The following COL11A1 variants were observed in gnomAD, a reference collection of about 807,000 sequenced individuals.
COL11A1 encodes the protein collagen type XI alpha 1 chain, also known as collagen alpha-1(XI) chain.
In COL11A1, 74 loss-of-function variants were observed where a neutral mutation model predicts 265.2. The ratio of observed to expected loss-of-function variants is 0.28; its 90% CI spans 0.23 to 0.34. COL11A1 has a LOEUF of 0.34. Among genes scored for constraint, COL11A1 ranks in the 10% least tolerant of loss-of-function variants. COL11A1 has a pLI of 1.00. For synonymous variants in COL11A1, 816 were observed against 727.6 expected (o/e 1.12, Z -1.96); for missense variants, 2,165 against 2,263.6 (o/e 0.96, Z 0.88).
At position 102,909,188 on chromosome 1, in the gene COL11A1, C is replaced by T. The variant is rs1654356779; in HGVS notation, c.4086+2971G>A. Among the ~76,000 whole-genome samples the T allele has an allele frequency of 3.3e-5, 5 of 152,172 alleles. No homozygotes were observed. The South Asian group carries it at 1.0e-3, about 32-fold the overall frequency. Reference sequence around the variant, plus strand: ...CAGGATGGGTGTGAGTGGCTTCTCACTCTGTTAGTTCCTGAGAGAGCTGGT... The same window carrying T: ...CAGGATGGGTGTGAGTGGCTTCTCATTCTGTTAGTTCCTGAGAGAGCTGGT... On this transcript the variant is annotated intron_variant, in intron 54 of 66. Transcript: ENST00000370096.
intron 30 of COL11A1, among the ~76,000 whole-genome samples, chr1:102,985,397 T>C (rs1026800303): frequency 6.6e-6 from 1 of 152,112 alleles, no homozygotes; most frequent in Non-Finnish European, 1.5e-5. Flanking sequence ...CATAGATAAG[T>C]AGTCTTCAGA....
intron 42 of COL11A1, among the ~76,000 whole-genome samples, chr1:102,945,247 A>ACT (rs3056651): frequency 0.34 from 43,657 of 128,294 alleles, 8,253 homozygotes; most frequent in East Asian, 0.55. Context: ...TTTTCTTTTT[A>ACT]CTCTCTCTCT....
At chr1:102,895,439 A>C (rs1003477274) in intron 57 of COL11A1, among the ~76,000 whole-genome samples, 2 of 152,174 alleles carry the variant, frequency 1.3e-5, no homozygotes, top group Admixed American at 1.3e-4. Flanking sequence ...AGTAGAAACA[A>C]TACAGTAGGT....
At position 102,998,348 on chromosome 1, in the gene COL11A1, GT is replaced by G; in HGVS notation, c.2157del (p.Lys719AsnfsTer46). The G allele has an allele frequency of 6.2e-7, 1 of 1,603,548 alleles. No homozygotes were observed. Among genetic ancestry groups the G allele is most frequent in the South Asian group, 1.1e-5 (1 of 89,634 alleles). ...GPPGEKGPQG[K>X]PGLAGLPGAD... ...GCACCAGGAAGTCCAGCAAGTCCTG[GT>G]TTTCCTTGTGGTCCCTTATAGAGAA... On this transcript the variant is annotated frameshift_variant, in exon 25 of 67. Transcript: ENST00000370096. LOFTEE classifies it high-confidence loss of function.
chr1:102,915,266 C>T (rs979594404), intron 50 of COL11A1, among the ~76,000 whole-genome samples: 1 of 152,046 alleles, frequency 6.6e-6, no homozygotes, highest in African/African-American at 2.4e-5. Flanking sequence ...CAAATTTAAT[C>T]GCGTTTTAAA....
Position 103,078,709 on chromosome 1 carries a change from G to T in COL11A1, c.437C>A (p.Pro146His). The change falls in exon 3 of 67, where the codon CCT (proline) becomes CAT (histidine). Residue 146 changes from proline (P) to histidine (H), a missense_variant. Pro to His is a moderately conservative substitution (Grantham distance 77). Transcript: ENST00000370096. ...VFLFEDHTGK[P>H]APEDYPLFRT... ...GAAGAGGGGATAGTCTTCTGGGGCA[G>T]GTTTTCCAGTGTGGTCTTCAAACAG... The T allele has an allele frequency of 6.2e-7, 1 of 1,613,410 alleles. No homozygotes were observed. The highest frequency in any genetic ancestry group is 8.5e-7 in the Non-Finnish European group (1 of 1,179,616).
chr1:103,042,997 A>T (rs1668937731), intron 4 of COL11A1, among the ~76,000 whole-genome samples: 1 of 144,508 alleles, frequency 6.9e-6, no homozygotes, highest in Non-Finnish European at 1.5e-5. Flanking sequence ...GATATATATT[A>T]AATACATCAT....
Position 103,018,862 on chromosome 1 carries a change from A to G in COL11A1, c.1309-3T>C, listed in dbSNP as rs991268638. The G allele has an allele frequency of 4.3e-6, 7 of 1,611,756 alleles. No homozygotes were observed. Among genetic ancestry groups the G allele is most frequent in the Middle Eastern group, 1.6e-4 (1 of 6,072 alleles). ...GGTGGTCCTTCGACAAGCATACCCT[A>G]TAACAGGAAAAGAGAACATCTCTAC... On this transcript the variant is annotated splice_region_variant and splice_polypyrimidine_tract_variant and intron_variant, in intron 9 of 66. Transcript: ENST00000370096.
intron 42 of COL11A1, among the ~76,000 whole-genome samples, chr1:102,942,932 C>T (rs1263640198): frequency 6.6e-6 from 1 of 152,032 alleles, no homozygotes; most frequent in African/African-American, 2.4e-5. Context: ...TGGCCATCTT[C>T]TTTTCAGAGT....
At position 102,888,435 on chromosome 1, in the gene COL11A1, T is replaced by A. The variant is rs2783570; in HGVS notation, c.4608+142A>T. The A allele has an allele frequency of 0.086, 63,004 of 730,852 alleles. 3,171 individuals carry two copies. The highest frequency in any genetic ancestry group is 0.16 in the Middle Eastern group (563 of 3,498). 45.3% of individuals were successfully genotyped at this position (730,852 alleles called of 1,614,324 possible). On this transcript the variant is annotated intron_variant, in intron 62 of 66. Transcript: ENST00000370096. ...TTTAAGTCTTGGCATGTAGATTTGATTACTTAAATGATATAATGTTTCCTA... is the reference window on the plus strand; with the variant it reads ...TTTAAGTCTTGGCATGTAGATTTGAATACTTAAATGATATAATGTTTCCTA...
chr1:102,895,615 C>G (rs868108884), intron 57 of COL11A1, among the ~76,000 whole-genome samples: 1 of 151,974 alleles, frequency 6.6e-6, no homozygotes, highest in East Asian at 1.9e-4. Flanking sequence ...AGCTTTCACA[C>G]AGATTAATTT....
intron 57 of COL11A1, among the ~76,000 whole-genome samples, chr1:102,891,351 C>T (rs1191180826): frequency 6.6e-6 from 1 of 151,842 alleles, no homozygotes; most frequent in East Asian, 1.9e-4. Flanking sequence ...TAAATTGCAC[C>T]TCATATCTAA....
rs530391175 is a variant in COL11A1, at chr1:102,933,165, G to A, written c.3600+1284C>T. Among the ~76,000 whole-genome samples the A allele has an allele frequency of 4.7e-5, 7 of 149,376 alleles. No homozygotes were observed. The East Asian group carries it at 5.9e-4, about 13-fold the overall frequency. On this transcript the variant is annotated intron_variant, in intron 46 of 66. Coordinates refer to ENST00000370096, the MANE Select transcript of COL11A1 (RefSeq NM_001854.4). ...TGCGTTCCTTTGGAGGAGGAGAGGT[G>A]CTCTGCTTTTTAGAGTTTCCAGTTT...
intron 28 of COL11A1, among the ~76,000 whole-genome samples, chr1:102,994,860 A>G (rs1271367116): frequency 1.3e-5 from 2 of 152,008 alleles, no homozygotes; most frequent in African/African-American, 4.8e-5. Flanking sequence ...ACAGTTCTGC[A>G]TGGCTGGGGA....
In COL11A1 at chr1:103,108,105, G is replaced by A. The variant is rs1674856297; in HGVS notation, c.74C>T (p.Thr25Ile). The A allele has an allele frequency of 1.9e-6, 3 of 1,613,692 alleles. No homozygotes were observed. The highest frequency in any genetic ancestry group is 1.3e-5 in the African/African-American group (1 of 74,828). The change falls in exon 1 of 67, where the codon ACC becomes ATC. Residue 25 changes from threonine to isoleucine, a missense_variant. Transcript: ENST00000370096. ...GACCTCTCTAGCTTGGAAGAGGAAGGTCAATGCGAGGGTTGTTACGGTGAA... is the reference window on the plus strand; with the variant it reads ...GACCTCTCTAGCTTGGAAGAGGAAGATCAATGCGAGGGTTGTTACGGTGAA... ...WDFTVTTLAL[T>I]FLFQAREVRG... is the part of the protein sequence containing the mutation.
intron 48 of COL11A1, among the ~76,000 whole-genome samples, chr1:102,920,606 ACT>A (rs1330956877): frequency 6.6e-6 from 1 of 152,146 alleles, no homozygotes; most frequent in Non-Finnish European, 1.5e-5. Flanking sequence ...AGACTTTCAA[ACT>A]CTGGTTGATT....
intron 46 of COL11A1, among the ~76,000 whole-genome samples, chr1:102,925,694 G>T (rs1247782791): frequency 3.3e-5 from 5 of 151,954 alleles, no homozygotes; most frequent in African/African-American, 1.2e-4. Flanking sequence ...AAAATTTTAG[G>T]TTCTAAATCA....
intron 65 of COL11A1, 59 bp from the exon 66 acceptor site, chr1:102,879,975 G>T: frequency 8.8e-7 from 1 of 1,140,062 alleles, no homozygotes; most frequent in South Asian, 1.3e-5. Flanking sequence ...ATGCTACAAA[G>T]AATTAAATCA....
rs534466303 is a variant in COL11A1, at chr1:102,933,467, G to A, written c.3600+982C>T. On this transcript the variant is annotated intron_variant, in intron 46 of 66. Transcript: ENST00000370096. Reference sequence around the variant, plus strand: ...TGCCTGTTCTCAGATCTCCAGCTGCGTGCTGGGAGAACCACTGCTCTCTTA... The same window carrying A: ...TGCCTGTTCTCAGATCTCCAGCTGCATGCTGGGAGAACCACTGCTCTCTTA... Among the ~76,000 whole-genome samples the A allele has an allele frequency of 8.2e-3, 1,251 of 151,640 alleles. 21 individuals are homozygous for A. The highest frequency in any genetic ancestry group is 0.036 in the Admixed American group (541 of 15,216).
Sources: gnomAD v4.1 joint callset for allele counts (sites outside exome capture counted in the v4.1 genomes callset) on GRCh38, gnomAD v4.1.1 for gene constraint, MANE v1.5 for transcripts, NCBI Gene and HGNC (gene_info 2026-07-23, HGNC 2026-07-21) for gene names.